The following SAMD12 variants were observed in gnomAD, a reference collection of about 807,000 sequenced individuals.
SAMD12 encodes the protein sterile alpha motif domain-containing protein 12.
Under a neutral mutation model 15.0 loss-of-function variants are expected in SAMD12, and 9 were observed. The ratio of observed to expected loss-of-function variants is 0.60; its 90% confidence interval spans 0.36 to 1.05. The LOEUF (loss-of-function observed/expected upper bound fraction) is 1.05, where lower values mean the gene tolerates loss of function less well. Ranked by LOEUF, SAMD12 falls within the 50% of genes least tolerant of loss-of-function variation. The probability of loss-of-function intolerance (pLI) is 0.01; values close to 1 mark genes in which losing one functional copy is unlikely to be tolerated. For missense variants in SAMD12, 230 were observed against 234.2 expected, an observed-to-expected ratio of 0.98 and a Z score of 0.12; for synonymous variants, 86 against 90.1, an observed-to-expected ratio of 0.96 and a Z score of 0.25.
intron 4 of SAMD12, among the ~76,000 whole-genome samples, chr8:118,201,613 A>T (rs181078444): frequency 1.8e-4 from 27 of 152,338 alleles, no homozygotes; most frequent in African/African-American, 6.5e-4. Context: ...TAAAGTTAAT[A>T]AAGAAAGGAA....
chr8:118,395,911 C>T (rs572166714), intron 3 of SAMD12, among the ~76,000 whole-genome samples: 18 of 145,622 alleles, frequency 1.2e-4, no homozygotes, highest in Non-Finnish European at 1.8e-4. Flanking sequence ...TGAGTAAGAT[C>T]GCAAGAGCAA....
intron 3 of SAMD12, among the ~76,000 whole-genome samples, chr8:118,395,686 C>T (rs1820521683): frequency 1.3e-5 from 2 of 152,020 alleles, no homozygotes; most frequent in African/African-American, 4.8e-5. Flanking sequence ...GACTCAGAAG[C>T]GGTGGCTCAT....
At chr8:118,344,964 G>A (rs937411774) in intron 4 of SAMD12, among the ~76,000 whole-genome samples, 2 of 152,146 alleles carry the variant, frequency 1.3e-5, no homozygotes, top group African/African-American at 2.4e-5. Context: ...TAGTTTAAGT[G>A]TGCAGTGTTT....
At chr8:118,185,844 T>C (rs929641094), downstream of SAMD12, among the ~76,000 whole-genome samples, 1 of 151,384 alleles carries the variant, frequency 6.6e-6, no homozygotes, top group Non-Finnish European at 1.5e-5. Flanking sequence ...AAGTGGCAGG[T>C]TTGTTTTTAG....
rs868280638 is a variant in SAMD12 at position 118,486,309 on chromosome 8, G to A, written c.193-46348C>T. Among the ~76,000 whole-genome samples, 18 of 151,230 alleles carry A rather than the reference G, an allele frequency of 1.2e-4. No individual in the cohort carries two copies. The South Asian group carries it at 3.6e-3, about 30-fold the overall frequency. On this transcript the variant is annotated intron_variant, in intron 2 of 3. Coordinates refer to ENST00000314727, the MANE Select transcript of SAMD12 (RefSeq NM_207506.3). ...TGGGCGCCTGTAGTCCCAGCTACTCGGGAGGCTGAGGCAGGAGAATGGCGT... is the reference window on the plus strand; with the variant it reads ...TGGGCGCCTGTAGTCCCAGCTACTCAGGAGGCTGAGGCAGGAGAATGGCGT...
At chr8:118,214,849 C>A (rs928904796) in intron 4 of SAMD12, among the ~76,000 whole-genome samples, 1 of 152,060 alleles carries the variant, frequency 6.6e-6, no homozygotes, top group Admixed American at 6.6e-5. Context: ...TGCCTTAGAG[C>A]GCATGGATGT....
At chr8:118,372,783 G>C (rs1819173364) in intron 4 of SAMD12, among the ~76,000 whole-genome samples, 1 of 151,886 alleles carries the variant, frequency 6.6e-6, no homozygotes, top group South Asian at 2.1e-4. Context: ...AAAAATAATG[G>C]CAAAAAACAC....
chr8:118,235,099 T>G (rs981585673), intron 4 of SAMD12, among the ~76,000 whole-genome samples: 1 of 152,186 alleles, frequency 6.6e-6, no homozygotes, highest in African/African-American at 2.4e-5. Flanking sequence ...TGAAATCTGC[T>G]CTGTTGTTTC....
At chr8:118,175,606 C>T in the SAMD12 span, among the ~76,000 whole-genome samples, 1 of 152,140 alleles carries the variant, frequency 6.6e-6, no homozygotes, top group Admixed American at 6.5e-5. Context: ...CAGCAAAGAT[C>T]TAATATCCAG....
chr8:118,392,914 G>T (rs73327541), intron 3 of SAMD12, among the ~76,000 whole-genome samples: 1 of 152,016 alleles, frequency 6.6e-6, no homozygotes, highest in African/African-American at 2.4e-5. Flanking sequence ...AACTACCCCT[G>T]GTTGAGAACC....
At chr8:118,461,780 G>A (rs1275952935) in intron 2 of SAMD12, among the ~76,000 whole-genome samples, 1 of 152,156 alleles carries the variant, frequency 6.6e-6, no homozygotes, top group Non-Finnish European at 1.5e-5. Flanking sequence ...TTTCACCTAA[G>A]AAATATGCAA....
At chr8:118,528,402 T>C (rs989362652) in intron 2 of SAMD12, among the ~76,000 whole-genome samples, 7 of 152,220 alleles carry the variant, frequency 4.6e-5, no homozygotes, top group African/African-American at 1.2e-4. Flanking sequence ...AATAGTAACA[T>C]AGGGATTAAT....
chr8:118,468,906 A>G (rs935805051), intron 2 of SAMD12, among the ~76,000 whole-genome samples: 1 of 152,208 alleles, frequency 6.6e-6, no homozygotes. Flanking sequence ...CAAAGTTTTA[A>G]TCCAAAAGTA....
chr8:118,264,640 T>C (rs7009658), intron 4 of SAMD12, among the ~76,000 whole-genome samples: 11,499 of 152,138 alleles, frequency 0.076, 801 homozygotes, highest in East Asian at 0.34. Context: ...TGGAAGTCTC[T>C]GGGAACGGGA....
chr8:118,318,338 A>G (rs956693310), intron 4 of SAMD12, among the ~76,000 whole-genome samples: 2 of 141,232 alleles, frequency 1.4e-5, no homozygotes, highest in African/African-American at 5.2e-5. Context: ...ATATATATAT[A>G]TATATATATA....
intron 2 of SAMD12, among the ~76,000 whole-genome samples, chr8:118,562,585 G>A (rs78080212): frequency 0.013 from 1,928 of 152,004 alleles, 51 homozygotes; most frequent in African/African-American, 0.042. Context: ...GACAAAGAAC[G>A]AGCACCAAAA....
chr8:118,265,053 T>C (rs539947525), intron 4 of SAMD12, among the ~76,000 whole-genome samples: 28 of 152,278 alleles, frequency 1.8e-4, no homozygotes, highest in Non-Finnish European at 3.7e-4. Context: ...GATTCAGTTA[T>C]CTTAGCACTA....
chr8:118,145,454 A>G, the SAMD12 span, among the ~76,000 whole-genome samples: 1 of 152,220 alleles, frequency 6.6e-6, no homozygotes, highest in African/African-American at 2.4e-5. Context: ...CATTCATTCA[A>G]TCCTTTCATA....
intron 2 of SAMD12, among the ~76,000 whole-genome samples, chr8:118,541,133 T>C (rs1245082166): frequency 6.6e-6 from 1 of 152,186 alleles, no homozygotes; most frequent in Non-Finnish European, 1.5e-5. Flanking sequence ...TTGTATACTA[T>C]ATTGTGTGTT....
Sources: allele counts gnomAD v4.1 joint callset (sites outside exome capture counted in the v4.1 genomes callset), GRCh38; gene constraint gnomAD v4.1.1; transcripts MANE v1.5; gene names NCBI Gene and HGNC (gene_info 2026-07-23, HGNC 2026-07-21).